SPOCK1: variants seen among roughly 807,000 people sequenced by gnomAD.
SPOCK1 encodes the protein testican-1.
In SPOCK1, 23 loss-of-function variants were observed where a neutral mutation model predicts 55.3. The observed-to-expected ratio is 0.42, with a 90% CI of 0.30 to 0.59. SPOCK1 has a LOEUF of 0.59. Ranked by LOEUF, SPOCK1 falls within the 20% of genes least tolerant of loss-of-function variation. SPOCK1 has a pLI of 0.22. For synonymous variants in SPOCK1, 226 were observed against 221.0 expected, an observed-to-expected ratio of 1.02 and a Z score of -0.20; for missense variants, 499 against 552.5, an observed-to-expected ratio of 0.90 and a Z score of 0.97.
chr5:137,024,317 G>GGGGGC (rs1561583063), intron 6 of SPOCK1, among the ~76,000 whole-genome samples: 1 of 89,160 alleles, frequency 1.1e-5, no homozygotes, highest in Non-Finnish European at 2.9e-5. Context: ...AGTTTGAAGG[G>GGGGGC]GGGGGGGTAG....
At chr5:137,403,686 A>AT (rs60360471) in intron 2 of SPOCK1, among the ~76,000 whole-genome samples, 151,481 of 151,766 alleles carry the variant, frequency 1, 75,599 homozygotes, top group Middle Eastern at 1. Context: ...TCTAGAGGGC[A>AT]TCCAGGCAGC....
At chr5:137,040,877 T>C (rs1387795691) in intron 6 of SPOCK1, among the ~76,000 whole-genome samples, 1 of 152,126 alleles carries the variant, frequency 6.6e-6, no homozygotes, top group African/African-American at 2.4e-5. Flanking sequence ...GCCAAGGAAA[T>C]TGTTCCTACT....
intron 2 of SPOCK1, among the ~76,000 whole-genome samples, chr5:137,430,856 G>A (rs1462231337): frequency 6.6e-6 from 1 of 152,160 alleles, no homozygotes; most frequent in Admixed American, 6.5e-5. Flanking sequence ...CTGCAGAGAT[G>A]GCAGAGTCAC....
intron 3 of SPOCK1, among the ~76,000 whole-genome samples, chr5:137,161,421 T>A (rs897062675): frequency 6.6e-6 from 1 of 152,018 alleles, no homozygotes. Context: ...AAACTCTCTC[T>A]CCAGGTAAGG....
chr5:137,101,736 A>G (rs1753268488), intron 5 of SPOCK1, among the ~76,000 whole-genome samples: 2 of 152,254 alleles, frequency 1.3e-5, no homozygotes, highest in Admixed American at 6.5e-5. Flanking sequence ...CTGAAAGTTT[A>G]TCTTCAGGAG....
At chr5:137,128,780 T>C (rs529597216) in intron 4 of SPOCK1, among the ~76,000 whole-genome samples, 1 of 152,288 alleles carries the variant, frequency 6.6e-6, no homozygotes, top group African/African-American at 2.4e-5. Flanking sequence ...CTTATCTGAG[T>C]TCAACCCTCC....
intron 3 of SPOCK1, among the ~76,000 whole-genome samples, chr5:137,170,023 T>C (rs1164547913): frequency 1.3e-5 from 2 of 152,220 alleles, no homozygotes; most frequent in African/African-American, 4.8e-5. Context: ...CACAGAGTAA[T>C]GTTGTCCTTC....
At chr5:137,342,349 TA>T (rs576029479) in intron 2 of SPOCK1, among the ~76,000 whole-genome samples, 37 of 149,400 alleles carry the variant, frequency 2.5e-4, no homozygotes, top group Non-Finnish European at 4.6e-4. Flanking sequence ...TTTATGTCAC[TA>T]AAAAAAAAAT....
At chr5:137,283,041 G>T (rs1161043277) in intron 2 of SPOCK1, among the ~76,000 whole-genome samples, 1 of 152,212 alleles carries the variant, frequency 6.6e-6, no homozygotes, top group African/African-American at 2.4e-5. Context: ...ATCTACAGGG[G>T]CACAGGCTGG....
intron 2 of SPOCK1, among the ~76,000 whole-genome samples, chr5:137,312,435 C>G (rs1329198983): frequency 6.6e-6 from 1 of 152,186 alleles, no homozygotes; most frequent in South Asian, 2.1e-4. Flanking sequence ...ATTGCTGAGG[C>G]CTTCAGGAAA....
chr5:137,097,190 C>G (rs1213734638), intron 5 of SPOCK1, among the ~76,000 whole-genome samples: 2 of 152,118 alleles, frequency 1.3e-5, no homozygotes, highest in Non-Finnish European at 2.9e-5. Flanking sequence ...AAGCTGGCCA[C>G]TGGGGGGTAG....
chr5:137,490,455 C>A (rs1455478159), intron 2 of SPOCK1, among the ~76,000 whole-genome samples: 1 of 152,176 alleles, frequency 6.6e-6, no homozygotes, highest in East Asian at 1.9e-4. Flanking sequence ...ACCAGACATA[C>A]AGAGCGTGCT....
At chr5:137,411,527 G>A (rs1752208092) in intron 2 of SPOCK1, among the ~76,000 whole-genome samples, 2 of 152,132 alleles carry the variant, frequency 1.3e-5, no homozygotes, top group South Asian at 4.1e-4. Context: ...TAATACTATT[G>A]GCATTTGAAG....
intron 2 of SPOCK1, among the ~76,000 whole-genome samples, chr5:137,466,634 T>C (rs1455256354): frequency 6.6e-6 from 1 of 152,174 alleles, no homozygotes; most frequent in Non-Finnish European, 1.5e-5. Flanking sequence ...ATCTGTAAAA[T>C]TGACATAATG....
intron 5 of SPOCK1, among the ~76,000 whole-genome samples, chr5:137,074,527 G>A (rs933165358): frequency 2.0e-5 from 3 of 152,266 alleles, no homozygotes; most frequent in Middle Eastern, 3.4e-3. Context: ...TGTTTTGTTT[G>A]TGTTTTGAGA....
intron 2 of SPOCK1, among the ~76,000 whole-genome samples, chr5:137,326,546 T>C (rs1335813585): frequency 2.0e-5 from 3 of 152,230 alleles, no homozygotes; most frequent in South Asian, 2.1e-4. Context: ...TGGATCTTTT[T>C]AACAGCAAAA....
intron 2 of SPOCK1, among the ~76,000 whole-genome samples, chr5:137,453,242 G>T (rs1231341916): frequency 6.6e-6 from 1 of 152,198 alleles, no homozygotes; most frequent in Non-Finnish European, 1.5e-5. Context: ...AATGGTACCA[G>T]AAGTACATCT....
intron 2 of SPOCK1, among the ~76,000 whole-genome samples, chr5:137,287,198 T>C (rs1333767511): frequency 6.6e-6 from 1 of 152,174 alleles, no homozygotes; most frequent in African/African-American, 2.4e-5. Flanking sequence ...GCTGCCATGG[T>C]GCAAACTGTT....
Position 137,148,671 on chromosome 5 carries a change from A to G in SPOCK1, c.233-7977T>C, listed in dbSNP as rs190979919. On this transcript the variant is annotated intron_variant, in intron 3 of 10. Coordinates refer to ENST00000394945, the MANE Select transcript of SPOCK1 (RefSeq NM_004598.4). ...GACATGGAGACAATGACAACGACCA[A>G]CTATAGAATAATGTACTATTATCCT... Among the ~76,000 whole-genome samples, 3 of 152,370 alleles carry G rather than the reference A, an allele frequency of 2.0e-5. No homozygotes were observed. The East Asian group carries it at 5.8e-4, about 29-fold the overall frequency.
Sources: allele counts gnomAD v4.1 joint callset (sites outside exome capture counted in the v4.1 genomes callset), GRCh38; gene constraint gnomAD v4.1.1; transcripts MANE v1.5; gene names NCBI Gene and HGNC (gene_info 2026-07-23, HGNC 2026-07-21).